FBF1: variants seen among roughly 807,000 people sequenced by gnomAD.
FBF1 encodes fas-binding factor 1.
In FBF1, 119 loss-of-function variants were observed where a neutral mutation model predicts 147.2. The ratio of observed to expected loss-of-function variants is 0.81; its 90% CI spans 0.70 to 0.94. The LOEUF (loss-of-function observed/expected upper bound fraction) is 0.94, where lower values mean the gene tolerates loss of function less well. Among genes scored for constraint, FBF1 ranks in the 40% least tolerant of loss-of-function variants. The probability of loss-of-function intolerance (pLI) is 0.00; values close to 1 mark genes in which losing one functional copy is unlikely to be tolerated. For missense variants in FBF1, 1,449 were observed against 1,500.8 expected, an observed-to-expected ratio of 0.97 and a Z score of 0.57; for synonymous variants, 601 against 609.0, an observed-to-expected ratio of 0.99 and a Z score of 0.19.
chr17:75,929,841 C>T (rs917691992), intron 7 of FBF1, among the ~76,000 whole-genome samples, 156 bp downstream of exon 7: 6 of 152,084 alleles, frequency 3.9e-5, no homozygotes, highest in African/African-American at 9.7e-5. Flanking sequence ...AGGAGGCCAA[C>T]GGCTCACAGA....
Position 75,918,331 on chromosome 17 carries a change from C to A in FBF1, c.2139-62G>T. On this transcript the variant is annotated intron_variant, in intron 20 of 29. Transcript: ENST00000636174. The surrounding 1 kb of genome is among the most constrained non-coding windows in gnomAD (Gnocchi z 5.8). ...GCTGGATCACCCTGATGCGGTAACTCCTTGTGGAAGGGTGTGTTTCCGTGC... is the reference window on the plus strand; with the variant it reads ...GCTGGATCACCCTGATGCGGTAACTACTTGTGGAAGGGTGTGTTTCCGTGC... 1.4e-6 allele frequency: 2 copies of A among 1,403,822 alleles called. No individual in the cohort carries two copies. Among genetic ancestry groups the A allele is most frequent in the South Asian group, 1.2e-5 (1 of 80,556 alleles). The allele number at this position is 1,403,822 out of a possible 1,614,324, so 87.0% of individuals were successfully genotyped here. A position where few individuals can be genotyped will look rare whatever the true frequency, so the allele number is the denominator to read the frequency against.
Position 75,914,137 on chromosome 17 carries a change from C to A in FBF1, c.2976G>T (p.Val992=). 6.2e-7 allele frequency: 1 copy of A among 1,601,802 alleles called. No individual in the cohort carries two copies. Among genetic ancestry groups the A allele is most frequent in the Non-Finnish European group, 8.5e-7 (1 of 1,177,052 alleles). ...CGAGCAGCACCTTGCTCATGCTCTCCACCTCCTCGGCGCGGAGCTTGACAC... is the reference window on the plus strand; with the variant it reads ...CGAGCAGCACCTTGCTCATGCTCTCAACCTCCTCGGCGCGGAGCTTGACAC... The part of the protein sequence containing the change: ...ALRVKLRAEE[V]ESMSKVASEK... The change falls in exon 26 of 30, where the codon GTG becomes GTT. Residue 992 remains valine (V), a synonymous_variant. Coordinates refer to ENST00000636174, the MANE Select transcript of FBF1 (RefSeq NM_001319193.2).
At chr17:75,939,461 G>C (rs532857170) in intron 1 of FBF1, among the ~76,000 whole-genome samples, 4 of 152,274 alleles carry the variant, frequency 2.6e-5, no homozygotes, top group African/African-American at 9.6e-5. Context: ...TGGCACCAAG[G>C]CTGAAACCCT....
intron 13 of FBF1, among the ~76,000 whole-genome samples, chr17:75,924,383 TAGAA>T (rs770584738): frequency 2.6e-5 from 4 of 152,098 alleles, no homozygotes; most frequent in Non-Finnish European, 4.4e-5. Context: ...GCTATTCAGA[TAGAA>T]AGAGGATGAA....
At chr17:75,931,610 C>A (rs997819530) in intron 5 of FBF1, among the ~76,000 whole-genome samples, 8 of 151,814 alleles carry the variant, frequency 5.3e-5, no homozygotes, top group African/African-American at 1.5e-4. Flanking sequence ...ATGGTGAAAC[C>A]CCATCTCTAC....
Position 75,914,026 on chromosome 17 carries a change from C to T in FBF1, c.3016G>A (p.Gly1006Arg). The change falls in exon 27 of 30, where the codon GGG becomes AGG. Residue 1006 changes from glycine (G) to arginine (R), a missense_variant. Physicochemically the swap from Gly to Arg is moderately radical, Grantham distance 125. Coordinates refer to ENST00000636174, the MANE Select transcript of FBF1 (RefSeq NM_001319193.2). ...TGGGCCTCGCGCAATGCCCGCTCCC[C>T]CTCCTCGTACTTCTCGGAGGCCACC... Reference protein sequence around the residue: ...SKVASEKYEEGERALREAQQV... With the variant: ...SKVASEKYEERERALREAQQV... The T allele has an allele frequency of 1.9e-6, 3 of 1,587,324 alleles. No individual in the cohort carries two copies. Among genetic ancestry groups the T allele is most frequent in the Non-Finnish European group, 2.6e-6 (3 of 1,174,068 alleles).
rs559861411 is a variant in FBF1, at chr17:75,912,957, G to A, written c.3248-650C>T. ...TGGGAGGCTGAGGTAAGAGAATCGC[G>A]TGAACTCAGGAGGTGGAGGTTGCAC... is the stretch of plus-strand genomic sequence containing the variant. On this transcript the variant is annotated intron_variant, in intron 28 of 29. Transcript: ENST00000636174. Among the ~76,000 whole-genome samples the A allele has an allele frequency of 8.6e-5, 13 of 151,932 alleles. 1 individual carries two copies. Among genetic ancestry groups the A allele is most frequent in the African/African-American group, 2.4e-4 (10 of 41,490 alleles).
Position 75,923,226 on chromosome 17 carries a change from G to A in FBF1, c.1384C>T (p.Leu462=). 6.3e-7 allele frequency: 1 copy of A among 1,592,548 alleles called. No individual in the cohort carries two copies. Residue 462 remains leucine (L), a synonymous_variant, in exon 14 of 30, where the codon CTG becomes TTG. Transcript: ENST00000636174. The surrounding 1 kb of genome is among the most constrained non-coding windows in gnomAD (Gnocchi z 4.1). ...TGGCCCGCTGTCCCCGCCAAATGCA[G>A]GCCCTCAGAGGTCCCAGCATGCTGC... ...REQHAGTSEG[L]HLAGTAGHPP...
At chr17:75,914,099 A>T in intron 26 of FBF1, 23 bp downstream of exon 26, 3 of 1,595,766 alleles carry the variant, frequency 1.9e-6, no homozygotes, top group Non-Finnish European at 2.6e-6. Context: ...AGATGCGCCC[A>T]CGCCCATGTG....
chr17:75,913,696 A>G lies in FBF1; in HGVS notation c.3247+6T>C, dbSNP rs1224849877. ...GCCGCCGGCCCTTCCTTCTGGAGCC[A>G]CTCACCACTCTGGCTGGAGGCTGCA... On this transcript the variant is annotated splice_donor_region_variant and intron_variant, in intron 28 of 29. Transcript: ENST00000636174. 2 of 1,586,764 alleles carry G rather than the reference A, an allele frequency of 1.3e-6. No individual in the cohort carries two copies. Among genetic ancestry groups the G allele is most frequent in the Non-Finnish European group, 1.7e-6 (2 of 1,174,300 alleles).
intron 28 of FBF1, among the ~76,000 whole-genome samples, chr17:75,912,923 G>A (rs546540081): frequency 2.0e-5 from 3 of 151,802 alleles, no homozygotes; most frequent in Non-Finnish European, 4.4e-5. Flanking sequence ...GCCTGTAATC[G>A]CAGCTACTTG....
intron 28 of FBF1, 50 bp from the exon 29 acceptor site, chr17:75,912,357 C>G: frequency 7.1e-7 from 1 of 1,413,984 alleles, no homozygotes; most frequent in Non-Finnish European, 9.5e-7. Flanking sequence ...GTGGAAATAC[C>G]GGGCGGTCAC....
chr17:75,935,812 C>T (rs781313824), intron 3 of FBF1, 139 bp from the exon 4 acceptor site: 11 of 718,728 alleles, frequency 1.5e-5, no homozygotes, highest in Non-Finnish European at 2.4e-5. Flanking sequence ...TCATTGGCCA[C>T]GAGATGTTTT....
At chr17:75,911,528 A>C (rs564688580) in intron 29 of FBF1, among the ~76,000 whole-genome samples, 2 of 151,738 alleles carry the variant, frequency 1.3e-5, no homozygotes, top group African/African-American at 4.8e-5. Flanking sequence ...TAAATTTTTA[A>C]TATTTATTTT....
At chr17:75,913,133 G>A (rs555138434) in intron 28 of FBF1, among the ~76,000 whole-genome samples, 110 of 150,254 alleles carry the variant, frequency 7.3e-4, no homozygotes, top group Middle Eastern at 3.4e-3. Context: ...CAGGAGTGGC[G>A]TTGAGGGTGA....
At chr17:75,914,716 C>CCCT in intron 25 of FBF1, 31 bp downstream of exon 25, 1 of 1,512,106 alleles carries the variant, frequency 6.6e-7, no homozygotes, top group South Asian at 1.3e-5. Context: ...CAACCCTGGG[C>CCCT]CCTCCACTGT....
At position 75,918,281 on chromosome 17, in the gene FBF1, C is replaced by A. The variant is rs765348167; in HGVS notation, c.2139-12G>T. 6.2e-7 allele frequency: 1 copy of A among 1,608,560 alleles called. No individual in the cohort carries two copies. Among genetic ancestry groups the A allele is most frequent in the South Asian group, 1.1e-5 (1 of 90,686 alleles). On this transcript the variant is annotated splice_polypyrimidine_tract_variant and intron_variant, in intron 20 of 29. Transcript: ENST00000636174. This position sits in a 1 kb window ranked among gnomAD's most constrained non-coding sequence, Gnocchi z 5.8. Reference sequence around the variant, plus strand: ...CTAGGATGGACGCCCTGAGGGGAGGCGGGAGGGGAAGGCGGTCACTCTGAG... The same window carrying A: ...CTAGGATGGACGCCCTGAGGGGAGGAGGGAGGGGAAGGCGGTCACTCTGAG...
Position 75,919,980 on chromosome 17 carries a change from G to C in FBF1, c.1931+27C>G. ...CTTTGGGGTCAGTGTGAGATCCAAG[G>C]CAGAGCTGGGGCCAGCGCCAGGGTA... On this transcript the variant is annotated intron_variant, in intron 19 of 29. Transcript: ENST00000636174. This position sits in a 1 kb window ranked among gnomAD's most constrained non-coding sequence, Gnocchi z 5.0. The C allele has an allele frequency of 6.2e-7, 1 of 1,609,830 alleles. No homozygotes were observed. Among genetic ancestry groups the C allele is most frequent in the Non-Finnish European group, 8.5e-7 (1 of 1,177,538 alleles).
In FBF1 at chr17:75,930,419, C is replaced by T. The variant is rs558607912; in HGVS notation, c.229-372G>A. On this transcript the variant is annotated intron_variant, in intron 6 of 29. Transcript: ENST00000636174. ...TAGCAGTTTCAGGGAGCTCTCCTTT[C>T]CACTCATCTTACTACAGGAAAGAGG... 5.9e-5 allele frequency among the ~76,000 whole-genome samples: 9 copies of T among 152,292 alleles called. 1 individual carries two copies. In the South Asian group the frequency reaches 1.9e-3, roughly 32 times the overall value.
Sources: allele counts gnomAD v4.1 joint callset (sites outside exome capture counted in the v4.1 genomes callset), GRCh38; gene constraint gnomAD v4.1.1; non-coding constraint Gnocchi (gnomAD v3.1); transcripts MANE v1.5; gene names NCBI Gene and HGNC (gene_info 2026-07-23, HGNC 2026-07-21).